Variants in BNC2 observed in about 807,000 individuals in gnomAD.
BNC2 encodes zinc finger protein basonuclin-2.
BNC2 carries 20 observed loss-of-function variants against 76.3 expected under a neutral mutation model. The observed-to-expected ratio is 0.26, with a 90% CI of 0.18 to 0.38. BNC2 has a LOEUF of 0.38. Ranked by LOEUF, BNC2 falls within the 10% of genes least tolerant of loss-of-function variation. The pLI is 1.00. For synonymous variants in BNC2, 582 were observed against 514.8 expected, an observed-to-expected ratio of 1.13 and a Z score of -1.77; for missense variants, 1,382 against 1,399.8, an observed-to-expected ratio of 0.99 and a Z score of 0.20.
rs10962591 is a variant in BNC2 at position 16,786,283 on chromosome 9, A to T, written c.4-47798T>A. 2.0e-5 allele frequency among the ~76,000 whole-genome samples: 3 copies of T among 152,134 alleles called. No homozygotes were observed. In the South Asian group the frequency reaches 6.2e-4, roughly 32 times the overall value. ...ATTTTGAGTTGAAATTGGGAAGGAC[A>T]GTCTTAATTATAGAAAATGTGGAGA... is the stretch of plus-strand genomic sequence containing the variant. On this transcript the variant is annotated intron_variant, in intron 1 of 6. Coordinates refer to ENST00000380672, the MANE Select transcript of BNC2 (RefSeq NM_017637.6).
chr9:16,712,828 C>G (rs1823888181), intron 3 of BNC2, among the ~76,000 whole-genome samples: 1 of 152,178 alleles, frequency 6.6e-6, no homozygotes, highest in Non-Finnish European at 1.5e-5. Context: ...CATCACTGAG[C>G]AACAAAGGGC....
intron 3 of BNC2, among the ~76,000 whole-genome samples, chr9:16,592,656 A>T (rs1283864983): frequency 6.6e-6 from 1 of 152,170 alleles, no homozygotes; most frequent in Non-Finnish European, 1.5e-5. Flanking sequence ...GGTGGAATGT[A>T]TGGTAAGTGA....
chr9:16,822,049 C>T (rs1490390835), intron 1 of BNC2, among the ~76,000 whole-genome samples: 4 of 146,764 alleles, frequency 2.7e-5, no homozygotes, highest in Non-Finnish European at 6.0e-5. Flanking sequence ...GCCGAGATCG[C>T]GCCACTGCAC....
rs1261523290 is a variant in BNC2, at chr9:16,413,938, C to T, written c.*5051G>A. On this transcript the variant is annotated 3_prime_UTR_variant, in exon 7 of 7. Coordinates refer to ENST00000380672, the MANE Select transcript of BNC2 (RefSeq NM_017637.6). The stretch of plus-strand genomic sequence containing the variant: ...AGAAAGGAACGATCCATGCTGGTGC[C>T]ATTCGCACCTACTCCTCTGTTAGGA... 1 of 152,200 alleles carries T rather than the reference C, an allele frequency of 6.6e-6. No homozygotes were observed. Among genetic ancestry groups the T allele is most frequent in the Non-Finnish European group, 1.5e-5 (1 of 68,034 alleles). 9.4% of individuals were successfully genotyped at this position (152,200 alleles called of 1,614,324 possible). A position where few individuals can be genotyped will look rare whatever the true frequency, so the allele number is the denominator to read the frequency against.
intron 5 of BNC2, among the ~76,000 whole-genome samples, chr9:16,495,131 G>C (rs926272861): frequency 1.3e-5 from 2 of 152,176 alleles, no homozygotes; most frequent in African/African-American, 2.4e-5. Flanking sequence ...CAAGTGGATA[G>C]GGGATTATTA....
chr9:16,645,846 G>T (rs754803682), intron 3 of BNC2, among the ~76,000 whole-genome samples: 7 of 152,120 alleles, frequency 4.6e-5, no homozygotes, highest in Non-Finnish European at 8.8e-5. Context: ...GAGACCAGCA[G>T]GATTACAAGA....
chr9:16,858,582 C>T (rs538981287), intron 1 of BNC2, among the ~76,000 whole-genome samples: 3 of 152,268 alleles, frequency 2.0e-5, no homozygotes, highest in East Asian at 1.9e-4. Flanking sequence ...CGGTGGCTCA[C>T]GCCTGTAATC....
chr9:16,731,038 C>A (rs1414749959), intron 2 of BNC2, among the ~76,000 whole-genome samples: 1 of 152,168 alleles, frequency 6.6e-6, no homozygotes, highest in Admixed American at 6.5e-5. Context: ...ATATAACATA[C>A]TGTGTAGAAC....
chr9:16,856,013 T>C (rs1423647750), intron 1 of BNC2, among the ~76,000 whole-genome samples: 1 of 152,166 alleles, frequency 6.6e-6, no homozygotes, highest in Admixed American at 6.5e-5. Context: ...TTGACAGTCA[T>C]ACTAGTAAAA....
At chr9:16,665,464 AAGAAAGAAAGAAAGAAAGAAAGAAAGAG>A (rs1264972027) in intron 3 of BNC2, among the ~76,000 whole-genome samples, 11 of 145,420 alleles carry the variant, frequency 7.6e-5, no homozygotes, top group African/African-American at 2.3e-4. Context: ...GAAAGAAAGA[AAGAAAGAAAGAAAGAAAGAAAGAAAGAG>A]AGAGAGAGAA....
chr9:16,642,893 C>A (rs950714372), intron 3 of BNC2, among the ~76,000 whole-genome samples: 1 of 152,114 alleles, frequency 6.6e-6, no homozygotes, highest in Admixed American at 6.5e-5. Flanking sequence ...ATTCCAGCAC[C>A]TCCACTTACT....
intron 1 of BNC2, among the ~76,000 whole-genome samples, chr9:16,842,237 G>A (rs1182232156): frequency 6.6e-6 from 1 of 152,136 alleles, no homozygotes; most frequent in Non-Finnish European, 1.5e-5. Context: ...AAACTAGTAA[G>A]AGAAATTCAC....
chr9:16,551,504 G>C (rs1818662477), intron 5 of BNC2, among the ~76,000 whole-genome samples: 1 of 152,236 alleles, frequency 6.6e-6, no homozygotes, highest in South Asian at 2.1e-4. Context: ...GATATGTCTA[G>C]CACTATACAA....
chr9:16,590,862 A>G (rs770630217), intron 3 of BNC2, among the ~76,000 whole-genome samples: 10 of 152,120 alleles, frequency 6.6e-5, no homozygotes, highest in African/African-American at 1.2e-4. Context: ...GGAATAGCAA[A>G]TTATCTGTAA....
At chr9:16,769,027 T>C (rs1295117418) in intron 1 of BNC2, among the ~76,000 whole-genome samples, 3 of 151,928 alleles carry the variant, frequency 2.0e-5, no homozygotes, top group African/African-American at 7.3e-5. Context: ...AGACCTGAAA[T>C]GGGGAACAAT....
At chr9:16,519,972 T>G (rs1292755256) in intron 5 of BNC2, among the ~76,000 whole-genome samples, 3 of 152,160 alleles carry the variant, frequency 2.0e-5, no homozygotes, top group Non-Finnish European at 4.4e-5. Context: ...GGACCAAACA[T>G]GGCAAGGCCC....
At chr9:16,840,271 T>G (rs1268390594) in intron 1 of BNC2, among the ~76,000 whole-genome samples, 5 of 152,222 alleles carry the variant, frequency 3.3e-5, no homozygotes, top group African/African-American at 1.2e-4. Flanking sequence ...CCTGATCATT[T>G]AACTTCTTAC....
intron 2 of BNC2, among the ~76,000 whole-genome samples, chr9:16,728,668 T>C (rs1824421311): frequency 6.6e-6 from 1 of 151,792 alleles, no homozygotes; most frequent in Admixed American, 6.6e-5. Flanking sequence ...TATAACCACA[T>C]AGAAACTCCT....
At chr9:16,524,076 C>A (rs1483173263) in intron 5 of BNC2, among the ~76,000 whole-genome samples, 1 of 152,196 alleles carries the variant, frequency 6.6e-6, no homozygotes, top group Admixed American at 6.5e-5. Context: ...CAATCTCCAC[C>A]TTTTCCTCTT....
Sources: gnomAD v4.1 joint callset for allele counts (sites outside exome capture counted in the v4.1 genomes callset) on GRCh38, gnomAD v4.1.1 for gene constraint, MANE v1.5 for transcripts, NCBI Gene and HGNC (gene_info 2026-07-23, HGNC 2026-07-21) for gene names.